LRP6: variants seen among roughly 807,000 people sequenced by gnomAD.
LRP6 encodes LDL receptor related protein 6.
In LRP6, 43 loss-of-function variants were observed where a neutral mutation model predicts 184.1. The ratio of observed to expected loss-of-function variants is 0.23; its 90% CI spans 0.18 to 0.30. LRP6 has a LOEUF of 0.30. LRP6 is among the 10% of genes least tolerant of loss of function. The pLI, the probability that LRP6 is intolerant of heterozygous loss-of-function variation, is 1.00. For synonymous variants in LRP6, 719 were observed against 684.9 expected, an observed-to-expected ratio of 1.05 and a Z score of -0.78; for missense variants, 1,571 against 2,005.3, an observed-to-expected ratio of 0.78 and a Z score of 4.14.
intron 1 of LRP6, among the ~76,000 whole-genome samples, chr12:12,248,468 A>G (rs191947919): frequency 2.0e-4 from 16 of 80,488 alleles, no homozygotes; most frequent in African/African-American, 7.0e-4. Context: ...CTCAGTCTTT[A>G]CTCTTTTTTT....
Position 12,266,916 on chromosome 12 carries a change from G to C in LRP6, c.-181C>G. 1 of 632,538 alleles carries C rather than the reference G, an allele frequency of 1.6e-6. No individual in the cohort carries two copies. 39.2% of individuals were successfully genotyped at this position (632,538 alleles called of 1,614,324 possible). On this transcript the variant is annotated 5_prime_UTR_variant, in exon 1 of 23. Coordinates refer to ENST00000261349, the MANE Select transcript of LRP6 (RefSeq NM_002336.3). ...GCGCGCCGCCGCCGCCCTCTCTACC[G>C]CGCCGCTCGGCCCCGGGCTCGCGCG...
At chr12:12,246,252 C>T (rs866846300) in intron 1 of LRP6, among the ~76,000 whole-genome samples, 19 of 151,820 alleles carry the variant, frequency 1.3e-4, no homozygotes, top group Middle Eastern at 3.2e-3. Flanking sequence ...GTGATCCACC[C>T]GCCAGGGCCT....
intron 7 of LRP6, among the ~76,000 whole-genome samples, chr12:12,177,121 C>T (rs780770264): frequency 6.6e-6 from 1 of 152,102 alleles, no homozygotes; most frequent in Non-Finnish European, 1.5e-5. Context: ...ACTGGGATTA[C>T]AGGTGTGAGC....
At chr12:12,144,673 T>C (rs796126443) in intron 15 of LRP6, among the ~76,000 whole-genome samples, 76 of 152,166 alleles carry the variant, frequency 5.0e-4, no homozygotes, top group African/African-American at 1.8e-3. Context: ...TAGTTTAAAA[T>C]ATTGACATAA....
chr12:12,242,884 C>T (rs1371485911), intron 2 of LRP6, among the ~76,000 whole-genome samples: 1 of 144,406 alleles, frequency 6.9e-6, no homozygotes, highest in African/African-American at 2.7e-5. Context: ...TCCTGTTCAA[C>T]CTCTGTAACC....
intron 12 of LRP6, among the ~76,000 whole-genome samples, chr12:12,152,974 A>G (rs570525680): frequency 1.3e-5 from 2 of 152,214 alleles, no homozygotes; most frequent in African/African-American, 4.8e-5. Flanking sequence ...GAAGATTTAG[A>G]AAGTTATCCC....
intron 5 of LRP6, among the ~76,000 whole-genome samples, chr12:12,181,749 G>A (rs1863350747): frequency 6.6e-6 from 1 of 152,146 alleles, no homozygotes; most frequent in Non-Finnish European, 1.5e-5. Context: ...AAGCTAAGTA[G>A]CTCAGTATTA....
intron 1 of LRP6, among the ~76,000 whole-genome samples, chr12:12,258,690 T>C (rs1865534042): frequency 6.6e-6 from 1 of 152,248 alleles, no homozygotes; most frequent in Non-Finnish European, 1.5e-5. Flanking sequence ...TAGCTAAGAA[T>C]TCATGGTAAT....
intron 6 of LRP6, 120 bp downstream of exon 6, chr12:12,180,923 C>T: frequency 9.8e-7 from 1 of 1,020,270 alleles, no homozygotes; most frequent in African/African-American, 1.6e-5. Flanking sequence ...AAATAGACAG[C>T]CATTAAAGAG....
intron 1 of LRP6, among the ~76,000 whole-genome samples, chr12:12,257,779 CAAAAAA>C (rs1163180718): frequency 2.4e-3 from 85 of 35,316 alleles, no homozygotes; most frequent in East Asian, 0.01. Context: ...CCTGTCTCTA[CAAAAAA>C]AAAAAAAAAA....
intron 19 of LRP6, among the ~76,000 whole-genome samples, chr12:12,129,794 C>A (rs1591865388): frequency 6.6e-6 from 1 of 152,150 alleles, no homozygotes; most frequent in East Asian, 1.9e-4. Flanking sequence ...TCGTGATCTG[C>A]CCACATTGGC....
intron 15 of LRP6, among the ~76,000 whole-genome samples, chr12:12,141,453 C>T (rs980588023): frequency 6.6e-6 from 1 of 152,020 alleles, no homozygotes; most frequent in Non-Finnish European, 1.5e-5. Context: ...AAATTATCAA[C>T]CAAGTGTGAG....
intron 2 of LRP6, among the ~76,000 whole-genome samples, chr12:12,214,106 A>G (rs1864280924): frequency 6.6e-6 from 1 of 152,082 alleles, no homozygotes; most frequent in South Asian, 2.1e-4. Context: ...CCCTGCTAAT[A>G]CCTATTTTAT....
At chr12:12,164,826 T>C (rs1862828568) in intron 8 of LRP6, among the ~76,000 whole-genome samples, 1 of 149,682 alleles carries the variant, frequency 6.7e-6, no homozygotes, top group Admixed American at 6.8e-5. Flanking sequence ...TGAATTCTTT[T>C]GATGAAGGTG....
intron 1 of LRP6, among the ~76,000 whole-genome samples, chr12:12,245,428 G>C (rs2135919451): frequency 6.6e-6 from 1 of 152,194 alleles, no homozygotes; most frequent in Admixed American, 6.5e-5. Flanking sequence ...AGGGAAAGAA[G>C]GTGCAAAAGA....
intron 1 of LRP6, 83 bp downstream of exon 1, chr12:12,266,598 T>TCCCCCCC: frequency 2.0e-6 from 2 of 986,850 alleles, no homozygotes; most frequent in South Asian, 2.8e-5. Flanking sequence ...CCTTCCTCCG[T>TCCCCCCC]CCCTCCCCTC....
chr12:12,252,787 A>G (rs1451719530), intron 1 of LRP6, among the ~76,000 whole-genome samples: 1 of 152,214 alleles, frequency 6.6e-6, no homozygotes, highest in African/African-American at 2.4e-5. Context: ...AGACTGCTAA[A>G]TCTTTTTCCT....
At chr12:12,216,922 A>G (rs1049846170) in intron 2 of LRP6, among the ~76,000 whole-genome samples, 3 of 151,378 alleles carry the variant, frequency 2.0e-5, no homozygotes, top group Admixed American at 6.6e-5. Flanking sequence ...AGCATGACAT[A>G]TAAGAGCCTT....
chr12:12,133,957 T>G lies in LRP6; in HGVS notation c.3733+1218A>C, dbSNP rs530639465. ...ATTCACATTATTGTGCAATCCCTAT[T>G]TTTAAAAATTTCAAGTACCAGAGCT... On this transcript the variant is annotated intron_variant, in intron 17 of 22. Transcript: ENST00000261349. 5.3e-5 allele frequency among the ~76,000 whole-genome samples: 8 copies of G among 152,080 alleles called. No individual in the cohort carries two copies. In the South Asian group the frequency reaches 1.7e-3, roughly 32 times the overall value.
Sources: allele counts gnomAD v4.1 joint callset (sites outside exome capture counted in the v4.1 genomes callset), GRCh38; gene constraint gnomAD v4.1.1; transcripts MANE v1.5; gene names NCBI Gene and HGNC (gene_info 2026-07-23, HGNC 2026-07-21).